ZFAND3: variants seen among roughly 807,000 people sequenced by gnomAD.
ZFAND3 encodes zinc finger AN1-type containing 3.
Under a neutral mutation model 29.6 loss-of-function variants are expected in ZFAND3, and 10 were observed. The observed-to-expected ratio is 0.34, with a 90% CI of 0.21 to 0.57. ZFAND3 has a LOEUF of 0.57. Ranked by LOEUF, ZFAND3 falls within the 20% of genes least tolerant of loss-of-function variation. The probability of loss-of-function intolerance (pLI) is 0.86; values close to 1 mark genes in which losing one functional copy is unlikely to be tolerated. For synonymous variants in ZFAND3, 128 were observed against 112.6 expected, an observed-to-expected ratio of 1.14 and a Z score of -0.87; for missense variants, 230 against 304.5, an observed-to-expected ratio of 0.76 and a Z score of 1.82.
rs1021687844 is a variant in ZFAND3 at position 38,041,629 on chromosome 6, T to C, written c.113-19964T>C. 4.9e-3 allele frequency among the ~76,000 whole-genome samples: 334 copies of C among 67,758 alleles called. 11 individuals carry two copies. Among genetic ancestry groups the C allele is most frequent in the African/African-American group, 0.015 (312 of 21,032 alleles). The allele number at this position is 67,758 out of a possible 152,430, so 44.5% of individuals were successfully genotyped here. ...ATGTCACCACTGTTTTTTTATCTAC[T>C]TTTTCTTCTTCTTCTTCTTCTTCTT... On this transcript the variant is annotated intron_variant, in intron 2 of 5. Coordinates refer to ENST00000287218, the MANE Select transcript of ZFAND3 (RefSeq NM_021943.3).
At chr6:38,071,319 T>G (rs1648340330) in intron 3 of ZFAND3, among the ~76,000 whole-genome samples, 1 of 152,112 alleles carries the variant, frequency 6.6e-6, no homozygotes, top group African/African-American at 2.4e-5. Context: ...TATTTTTCTA[T>G]GTACATTTAA....
At chr6:37,909,896 G>A (rs959857587) in intron 1 of ZFAND3, among the ~76,000 whole-genome samples, 17 of 152,092 alleles carry the variant, frequency 1.1e-4, no homozygotes, top group African/African-American at 3.4e-4. Flanking sequence ...TACATCAGAA[G>A]TCTCTTATTC....
intron 2 of ZFAND3, among the ~76,000 whole-genome samples, chr6:37,937,883 A>G (rs1761733317): frequency 6.6e-6 from 1 of 152,104 alleles, no homozygotes; most frequent in Non-Finnish European, 1.5e-5. Context: ...CTTCTTAACC[A>G]TTATGTGTCT....
chr6:37,836,842 C>T (rs1164361250), intron 1 of ZFAND3, among the ~76,000 whole-genome samples: 2 of 152,144 alleles, frequency 1.3e-5, no homozygotes, highest in East Asian at 3.8e-4. Flanking sequence ...TTCTGGCAGA[C>T]AAGATTGCGT....
Position 38,154,005 on chromosome 6 carries a change from A to C in ZFAND3, c.*1616A>C, listed in dbSNP as rs954336009. The C allele has an allele frequency of 6.5e-5, 64 of 985,414 alleles. No homozygotes were observed. Among genetic ancestry groups the C allele is most frequent in the Non-Finnish European group, 7.7e-5 (64 of 829,970 alleles). The allele number at this position is 985,414 out of a possible 1,614,324, so 61.0% of individuals were successfully genotyped here. A position where few individuals can be genotyped will look rare whatever the true frequency, so the allele number is the denominator to read the frequency against. ...ATCCGACGTACTGAAATAGGAAGTC[A>C]TGCTCTTCCCACCCTCCACCCACCA... is the stretch of plus-strand genomic sequence containing the variant. On this transcript the variant is annotated 3_prime_UTR_variant, in exon 6 of 6. Coordinates refer to ENST00000287218, the MANE Select transcript of ZFAND3 (RefSeq NM_021943.3).
intron 2 of ZFAND3, among the ~76,000 whole-genome samples, chr6:37,977,455 C>T (rs1002628681): frequency 1.3e-5 from 2 of 152,190 alleles, no homozygotes; most frequent in Non-Finnish European, 1.5e-5. Flanking sequence ...GTGCCCACCA[C>T]TACGCCTGGG....
intron 1 of ZFAND3, among the ~76,000 whole-genome samples, chr6:37,903,723 T>C (rs1334079518): frequency 6.6e-6 from 1 of 152,242 alleles, no homozygotes; most frequent in African/African-American, 2.4e-5. Flanking sequence ...GTAGGACTGA[T>C]GAAAATTTTA....
chr6:37,842,653 A>C (rs1157153624), intron 1 of ZFAND3, among the ~76,000 whole-genome samples: 3 of 152,366 alleles, frequency 2.0e-5, no homozygotes, highest in African/African-American at 7.2e-5. Flanking sequence ...TGACATCAAG[A>C]AAAGGACTAG....
rs114426980 is a variant in ZFAND3 at position 38,035,593 on chromosome 6, A to G, written c.113-26000A>G. Among the ~76,000 whole-genome samples, 428 of 152,236 alleles carry G rather than the reference A, an allele frequency of 2.8e-3. 3 individuals carry two copies. The highest frequency in any genetic ancestry group is 9.9e-3 in the African/African-American group (412 of 41,538). On this transcript the variant is annotated intron_variant, in intron 2 of 5. Coordinates refer to ENST00000287218, the MANE Select transcript of ZFAND3 (RefSeq NM_021943.3). ...AGGTTGCTTAATTAGCATATGGGAGATCCTCATTAATGTAATTCTCTTATT... is the reference window on the plus strand; with the variant it reads ...AGGTTGCTTAATTAGCATATGGGAGGTCCTCATTAATGTAATTCTCTTATT...
At chr6:38,103,236 A>C (rs1027044082) in intron 4 of ZFAND3, among the ~76,000 whole-genome samples, 1 of 152,056 alleles carries the variant, frequency 6.6e-6, no homozygotes. Flanking sequence ...TGAGAAAAAA[A>C]GTTGGCTTTG....
chr6:37,894,829 C>T (rs1441777462), intron 1 of ZFAND3, among the ~76,000 whole-genome samples: 1 of 152,194 alleles, frequency 6.6e-6, no homozygotes, highest in African/African-American at 2.4e-5. Context: ...TGTTGCTCTA[C>T]TGTCTTTTAG....
intron 2 of ZFAND3, among the ~76,000 whole-genome samples, chr6:38,019,917 A>G (rs1763317626): frequency 6.6e-6 from 1 of 152,092 alleles, no homozygotes; most frequent in Non-Finnish European, 1.5e-5. Context: ...AGACGGTTTC[A>G]GTATGGTGGC....
chr6:38,119,321 G>C lies in ZFAND3; in HGVS notation c.529+2582G>C, dbSNP rs111908596. ...GAGAGATGTTTAACTGCCCTGAAAG[G>C]TTTTAGAGGGGGGATAACACAGTAA... On this transcript the variant is annotated intron_variant, in intron 5 of 5. Coordinates refer to ENST00000287218, the MANE Select transcript of ZFAND3 (RefSeq NM_021943.3). 4.2e-4 allele frequency among the ~76,000 whole-genome samples: 64 copies of C among 152,302 alleles called. 1 individual carries two copies. Among genetic ancestry groups the C allele is most frequent in the African/African-American group, 7.9e-4 (33 of 41,562 alleles).
intron 1 of ZFAND3, among the ~76,000 whole-genome samples, chr6:37,848,343 G>A (rs993206990): frequency 6.6e-6 from 1 of 152,262 alleles, no homozygotes; most frequent in Non-Finnish European, 1.5e-5. Context: ...AAACTGGACA[G>A]ATTGAGGCCA....
chr6:38,076,023 A>G (rs1288459549), intron 3 of ZFAND3, among the ~76,000 whole-genome samples: 2 of 152,058 alleles, frequency 1.3e-5, no homozygotes, highest in Non-Finnish European at 1.5e-5. Flanking sequence ...AAGCGCTGGG[A>G]TTACAGATGT....
Position 38,152,547 on chromosome 6 carries a change from G to T in ZFAND3, c.*158G>T. The stretch of plus-strand genomic sequence containing the variant: ...GCCATCCTGGTACTGTAGTTTAGGG[G>T]TTGATGGTGGTTGAAATTGATTTCT... On this transcript the variant is annotated 3_prime_UTR_variant, in exon 6 of 6. Transcript: ENST00000287218. 2 of 1,292,888 alleles carry T rather than the reference G, an allele frequency of 1.5e-6. No homozygotes were observed. Among genetic ancestry groups the T allele is most frequent in the Non-Finnish European group, 2.0e-6 (2 of 1,020,782 alleles). 80.1% of individuals were successfully genotyped at this position (1,292,888 alleles called of 1,614,324 possible).
At chr6:38,019,745 A>G (rs1763313786) in intron 2 of ZFAND3, among the ~76,000 whole-genome samples, 1 of 152,182 alleles carries the variant, frequency 6.6e-6, no homozygotes, top group African/African-American at 2.4e-5. Flanking sequence ...TTTGAGATGG[A>G]GTCTCACTCT....
At chr6:37,862,232 T>C (rs1235004090) in intron 1 of ZFAND3, among the ~76,000 whole-genome samples, 1 of 152,178 alleles carries the variant, frequency 6.6e-6, no homozygotes, top group Non-Finnish European at 1.5e-5. Flanking sequence ...TTATTAATAT[T>C]GCAAAGTTCT....
At chr6:37,832,065 G>A (rs1763871947) in intron 1 of ZFAND3, among the ~76,000 whole-genome samples, 1 of 152,160 alleles carries the variant, frequency 6.6e-6, no homozygotes, top group South Asian at 2.1e-4. Context: ...TGGTGAAGTC[G>A]TGGACCCCTT....
Sources: gnomAD v4.1 joint callset for allele counts (sites outside exome capture counted in the v4.1 genomes callset) on GRCh38, gnomAD v4.1.1 for gene constraint, MANE v1.5 for transcripts, NCBI Gene and HGNC (gene_info 2026-07-23, HGNC 2026-07-21) for gene names.